LAMA2: variants seen among roughly 807,000 people sequenced by gnomAD.
The protein encoded by LAMA2 is laminin subunit alpha 2.
Under a neutral mutation model 364.8 loss-of-function variants are expected in LAMA2, and 269 were observed. That is an observed-to-expected ratio of 0.74 (90% CI 0.67 to 0.82). The LOEUF is 0.82. LAMA2 is among the 40% of genes least tolerant of loss of function. The probability of loss-of-function intolerance (pLI) is 0.00; values close to 1 mark genes in which losing one functional copy is unlikely to be tolerated. For synonymous variants in LAMA2, 1,379 were observed against 1,370.6 expected (o/e 1.01, Z -0.14); for missense variants, 3,807 against 3,873.2 (o/e 0.98, Z 0.45).
At chr6:129,314,531 C>T (rs1006038012) in intron 23 of LAMA2, 124 bp from the exon 24 acceptor site, 25 of 794,078 alleles carry the variant, frequency 3.1e-5, no homozygotes, top group Non-Finnish European at 4.0e-5. Flanking sequence ...GAGTCTAATA[C>T]TCAGTGTTCT....
chr6:129,221,162 C>CAA (rs148440333), intron 12 of LAMA2, among the ~76,000 whole-genome samples: 83,838 of 139,050 alleles, frequency 0.6, 28,167 homozygotes, highest in Non-Finnish European at 0.76. Context: ...GACTCCATCT[C>CAA]AAAAAAAAAA....
chr6:129,033,163 T>A (rs1786357564), intron 1 of LAMA2, among the ~76,000 whole-genome samples: 1 of 149,092 alleles, frequency 6.7e-6, no homozygotes, highest in African/African-American at 2.5e-5. Context: ...AAGAGAAGAA[T>A]GAAATAAGAA....
chr6:129,102,013 A>G (rs950882477), intron 4 of LAMA2, among the ~76,000 whole-genome samples: 3 of 151,906 alleles, frequency 2.0e-5, no homozygotes, highest in East Asian at 1.9e-4. Context: ...CTTCTAGTTC[A>G]TTAATTCTCT....
chr6:129,402,161 A>T (rs1007070175), intron 38 of LAMA2, among the ~76,000 whole-genome samples, 163 bp from the exon 39 acceptor site: 2 of 150,128 alleles, frequency 1.3e-5, no homozygotes, highest in Non-Finnish European at 3.0e-5. Context: ...GTGAGCTGAG[A>T]TCGCACCACT....
chr6:129,427,916 C>T, intron 41 of LAMA2, 62 bp downstream of exon 41: 5 of 953,738 alleles, frequency 5.2e-6, no homozygotes, highest in Non-Finnish European at 8.6e-6. Flanking sequence ...ATAAGATATT[C>T]TATCACACTA....
chr6:129,492,296 A>G lies in LAMA2; in HGVS notation c.8076-19A>G, dbSNP rs752245063. 1.7e-5 allele frequency: 27 copies of G among 1,611,444 alleles called. No individual in the cohort carries two copies. Among genetic ancestry groups the G allele is most frequent in the Non-Finnish European group, 2.2e-5 (26 of 1,177,866 alleles). ...AAAAAAACGAAAATAAAAAAATCTT[A>G]TTTATTACATTCTATTAGCCCCATG... On this transcript the variant is annotated intron_variant, in intron 57 of 64. Coordinates refer to ENST00000421865, the MANE Select transcript of LAMA2 (RefSeq NM_000426.4).
Position 129,398,472 on chromosome 6 carries a change from C to CTTT in LAMA2, c.5446-2734_5446-2732dup, listed in dbSNP as rs71028159. ...TTTTCTTTTTTCTTTCTTTTCTTTT[C>CTTT]TTTTTTTTTTTTTTTTTTTTGAGAC... On this transcript the variant is annotated intron_variant, in intron 37 of 64. Transcript: ENST00000421865. Among the ~76,000 whole-genome samples, 205 of 110,500 alleles carry CTTT rather than the reference C, an allele frequency of 1.9e-3. 1 individual carries two copies. The highest frequency in any genetic ancestry group is 6.3e-3 in the African/African-American group (174 of 27,818). 72.5% of individuals were successfully genotyped at this position (110,500 alleles called of 152,430 possible).
At chr6:129,199,083 C>T (rs527575261) in intron 12 of LAMA2, among the ~76,000 whole-genome samples, 6 of 152,168 alleles carry the variant, frequency 3.9e-5, no homozygotes, top group South Asian at 4.2e-4. Flanking sequence ...CACTCATGAA[C>T]GTAGATGAAA....
At chr6:129,066,038 G>GTTTTTTTTTTTTTTTTTTTTT (rs544271722) in intron 3 of LAMA2, among the ~76,000 whole-genome samples, 4 of 37,112 alleles carry the variant, frequency 1.1e-4, no homozygotes, top group African/African-American at 3.4e-4. Context: ...CCAGTCTCAG[G>GTTTTTTTTTTTTTTTTTTTTT]TTTTTTTTTT....
chr6:129,186,028 T>G (rs1781208887), intron 10 of LAMA2, among the ~76,000 whole-genome samples: 1 of 151,722 alleles, frequency 6.6e-6, no homozygotes, highest in African/African-American at 2.4e-5. Flanking sequence ...AAAGAATCAC[T>G]AATGGACTCT....
At chr6:129,118,264 A>C (rs1289034685) in intron 4 of LAMA2, among the ~76,000 whole-genome samples, 1 of 152,180 alleles carries the variant, frequency 6.6e-6, no homozygotes, top group Non-Finnish European at 1.5e-5. Context: ...ACTGCACTGG[A>C]TTTGAAGTAA....
At chr6:129,272,487 T>A (rs1343108744) in intron 17 of LAMA2, among the ~76,000 whole-genome samples, 1 of 152,146 alleles carries the variant, frequency 6.6e-6, no homozygotes, top group African/African-American at 2.4e-5. Context: ...AGTATTAAAG[T>A]ATCAGAGTTG....
intron 20 of LAMA2, among the ~76,000 whole-genome samples, chr6:129,296,392 T>C (rs1434874936): frequency 6.6e-6 from 1 of 152,006 alleles, no homozygotes; most frequent in East Asian, 1.9e-4. Context: ...TGTTACATGC[T>C]TTTTTCTTTA....
At chr6:129,173,199 C>T (rs959617595) in intron 9 of LAMA2, among the ~76,000 whole-genome samples, 1 of 152,148 alleles carries the variant, frequency 6.6e-6, no homozygotes, top group Admixed American at 6.5e-5. Context: ...CTCCTCTCCC[C>T]GATTCAGTTT....
At chr6:129,462,122 G>A (rs1281035018) in intron 49 of LAMA2, among the ~76,000 whole-genome samples, 2 of 152,010 alleles carry the variant, frequency 1.3e-5, no homozygotes, top group East Asian at 1.9e-4. Context: ...GGGAGGAAGA[G>A]TGGGAAGCCG....
chr6:129,313,132 C>T (rs779705960), intron 23 of LAMA2, 35 bp downstream of exon 23: 2 of 1,320,624 alleles, frequency 1.5e-6, no homozygotes, highest in Admixed American at 1.9e-5. Context: ...GGGAAAACCT[C>T]CCTCAATTCT....
intron 14 of LAMA2, among the ~76,000 whole-genome samples, chr6:129,253,538 G>A (rs1226607699): frequency 6.6e-6 from 1 of 152,124 alleles, no homozygotes; most frequent in African/African-American, 2.4e-5. Flanking sequence ...CTAGAAGCTG[G>A]GTTAAAATGC....
chr6:129,221,508 G>A (rs943387309), intron 12 of LAMA2, among the ~76,000 whole-genome samples: 21 of 151,576 alleles, frequency 1.4e-4, no homozygotes, highest in African/African-American at 5.1e-4. Flanking sequence ...ATATTGATGA[G>A]CAAATCAATA....
chr6:129,276,695 C>T (rs1788348913), intron 17 of LAMA2, among the ~76,000 whole-genome samples: 1 of 152,120 alleles, frequency 6.6e-6, no homozygotes, highest in Non-Finnish European at 1.5e-5. Context: ...TGAAAAACCT[C>T]AAAGCCAAAT....
Sources: allele counts gnomAD v4.1 joint callset (sites outside exome capture counted in the v4.1 genomes callset), GRCh38; gene constraint gnomAD v4.1.1; transcripts MANE v1.5; gene names NCBI Gene and HGNC (gene_info 2026-07-23, HGNC 2026-07-21).